The following NTM variants were observed in gnomAD, a reference collection of about 807,000 sequenced individuals.
NTM encodes neurotrimin.
In NTM, 13 loss-of-function variants were observed where a neutral mutation model predicts 42.1. The observed-to-expected ratio is 0.31, with a 90% confidence interval of 0.20 to 0.49. The LOEUF is 0.49. Ranked by LOEUF, NTM falls within the 20% of genes least tolerant of loss-of-function variation. The pLI is 0.99. For synonymous variants in NTM, 187 were observed against 179.2 expected, an observed-to-expected ratio of 1.04 and a Z score of -0.35; for missense variants, 373 against 452.8, an observed-to-expected ratio of 0.82 and a Z score of 1.60.
Position 131,919,782 on chromosome 11 carries a change from A to G in NTM, c.167+8134A>G, listed in dbSNP as rs575212868. On this transcript the variant is annotated intron_variant, in intron 2 of 8. Transcript: ENST00000683400. ...TGCATGTGTGCATATATGTGTATAT[A>G]ATATACACACATATACCAATTTTCA... Among the ~76,000 whole-genome samples the G allele has an allele frequency of 1.6e-4, 25 of 152,314 alleles. No individual in the cohort carries two copies. The South Asian group carries it at 3.9e-3, about 24-fold the overall frequency.
At chr11:132,302,710 C>A (rs549711952) in intron 4 of NTM, among the ~76,000 whole-genome samples, 3 of 152,222 alleles carry the variant, frequency 2.0e-5, no homozygotes, top group South Asian at 4.2e-4. Context: ...AAAAGAAGCC[C>A]CCTGTGTGCA....
intron 1 of NTM, among the ~76,000 whole-genome samples, chr11:131,413,650 G>T (rs1565476988): frequency 6.6e-6 from 1 of 152,184 alleles, no homozygotes; most frequent in Non-Finnish European, 1.5e-5. Context: ...ATTAAGGCAG[G>T]CACACAGACA....
At chr11:131,502,925 G>C (rs2047018209) in intron 1 of NTM, 1 of 152,234 alleles carries the variant, frequency 6.6e-6, no homozygotes, top group Non-Finnish European at 1.5e-5. Flanking sequence ...GGCGAGATGT[G>C]ATTCCCTCTG....
intron 2 of NTM, among the ~76,000 whole-genome samples, chr11:131,916,394 G>T (rs1004121689): frequency 6.6e-6 from 1 of 152,190 alleles, no homozygotes; most frequent in Non-Finnish European, 1.5e-5. Context: ...TTGGCAGGTG[G>T]GTATCAGAGG....
In NTM at chr11:132,146,221, C is replaced by G. The variant is rs993408048; in HGVS notation, c.168-61C>G. The G allele has an allele frequency of 1.3e-6, 2 of 1,594,804 alleles. No homozygotes were observed. Among genetic ancestry groups the G allele is most frequent in the East Asian group, 4.5e-5 (2 of 44,482 alleles). On this transcript the variant is annotated intron_variant, in intron 2 of 8. Coordinates refer to ENST00000683400, the MANE Select transcript of NTM (RefSeq NM_001352005.2). The surrounding 1 kb of genome is among the most constrained non-coding windows in gnomAD (Gnocchi z 4.5). ...TATTCTAGCCTTGCCATGAGGACCT[C>G]CCTCTGATGGCTGCTGTCGTCTCTC...
chr11:132,217,319 G>C (rs922445397), intron 4 of NTM, among the ~76,000 whole-genome samples: 6 of 151,316 alleles, frequency 4.0e-5, no homozygotes, highest in African/African-American at 1.5e-4. Flanking sequence ...TTTAAATTCA[G>C]TTCCACTCTT....
intron 3 of NTM, among the ~76,000 whole-genome samples, chr11:132,173,562 G>A (rs542221238): frequency 2.0e-5 from 3 of 152,194 alleles, no homozygotes; most frequent in African/African-American, 4.8e-5. Flanking sequence ...ACAAAGGGAT[G>A]CTAGGGTTCT....
At chr11:131,824,870 G>A (rs1216268986) in intron 1 of NTM, among the ~76,000 whole-genome samples, 1 of 152,156 alleles carries the variant, frequency 6.6e-6, no homozygotes, top group Non-Finnish European at 1.5e-5. Flanking sequence ...GTAAGAGGCA[G>A]AACTCTAGAT....
intron 2 of NTM, among the ~76,000 whole-genome samples, chr11:132,045,695 C>G (rs749396365): frequency 2.0e-5 from 3 of 152,178 alleles, no homozygotes; most frequent in Non-Finnish European, 4.4e-5. Flanking sequence ...AAGCACGTTT[C>G]TCAGCATCAG....
At chr11:131,992,357 G>A (rs1291487052) in intron 2 of NTM, among the ~76,000 whole-genome samples, 2 of 151,996 alleles carry the variant, frequency 1.3e-5, no homozygotes, top group African/African-American at 2.4e-5. Flanking sequence ...AAGGCTTCTG[G>A]TCAACAATTG....
At chr11:132,197,218 G>A (rs571973309) in intron 3 of NTM, among the ~76,000 whole-genome samples, 1 of 151,570 alleles carries the variant, frequency 6.6e-6, no homozygotes, top group East Asian at 2.0e-4. Context: ...AAGATGGAAG[G>A]GTAGATCTGC....
chr11:131,951,961 T>C (rs1045887453), intron 2 of NTM, among the ~76,000 whole-genome samples: 10 of 152,152 alleles, frequency 6.6e-5, no homozygotes, highest in African/African-American at 2.4e-4. Context: ...TGTTAGTAGA[T>C]AGTATATGAC....
At chr11:132,061,982 G>A (rs758705295) in intron 2 of NTM, among the ~76,000 whole-genome samples, 1 of 152,044 alleles carries the variant, frequency 6.6e-6, no homozygotes, top group Non-Finnish European at 1.5e-5. Flanking sequence ...AGTTTTAATT[G>A]GTAGATTCAA....
In NTM at chr11:131,774,548, T is replaced by C. The variant is rs79454191; in HGVS notation, c.83-137016T>C. The stretch of plus-strand genomic sequence containing the variant: ...TGAGCATCTATTTGTCAGAGATTTA[T>C]TGATGGCATGCGGAATACATGAGGA... On this transcript the variant is annotated intron_variant, in intron 1 of 8. Transcript: ENST00000683400. 1.1e-4 allele frequency among the ~76,000 whole-genome samples: 17 copies of C among 152,348 alleles called. No individual in the cohort carries two copies. The East Asian group carries it at 2.9e-3, about 26-fold the overall frequency.
intron 4 of NTM, among the ~76,000 whole-genome samples, chr11:132,267,786 G>A (rs1477495729): frequency 5.3e-5 from 8 of 150,992 alleles, no homozygotes; most frequent in African/African-American, 2.0e-4. Context: ...ATGTTGCAGC[G>A]AGCCGAGATC....
At chr11:131,747,871 C>G (rs2082011483) in intron 1 of NTM, among the ~76,000 whole-genome samples, 1 of 152,164 alleles carries the variant, frequency 6.6e-6, no homozygotes, top group African/African-American at 2.4e-5. Context: ...TCCTCGTTAT[C>G]CTGTGATCCC....
At chr11:131,776,837 C>T (rs1388940685) in intron 1 of NTM, among the ~76,000 whole-genome samples, 1 of 152,166 alleles carries the variant, frequency 6.6e-6, no homozygotes, top group African/African-American at 2.4e-5. Flanking sequence ...GAATCCTCAG[C>T]ATCCAGCCAG....
intron 1 of NTM, among the ~76,000 whole-genome samples, chr11:131,744,783 G>C (rs2081601012): frequency 6.6e-6 from 1 of 152,102 alleles, no homozygotes; most frequent in South Asian, 2.1e-4. Flanking sequence ...GGAACTAACT[G>C]GACTCTCCTT....
At chr11:131,451,307 T>C (rs547061827) in intron 1 of NTM, among the ~76,000 whole-genome samples, 1 of 152,282 alleles carries the variant, frequency 6.6e-6, no homozygotes, top group South Asian at 2.1e-4. Flanking sequence ...GAGAACTGTA[T>C]AGATGAGTAT....
Sources: allele counts gnomAD v4.1 joint callset (sites outside exome capture counted in the v4.1 genomes callset), GRCh38; gene constraint gnomAD v4.1.1; non-coding constraint Gnocchi (gnomAD v3.1); transcripts MANE v1.5; gene names NCBI Gene and HGNC (gene_info 2026-07-23, HGNC 2026-07-21).